TCF7L2: variants seen among roughly 807,000 people sequenced by gnomAD.
TCF7L2 encodes transcription factor 7 like 2.
TCF7L2 carries 23 observed loss-of-function variants against 77.9 expected under a neutral mutation model. The observed-to-expected ratio is 0.30, with a 90% CI of 0.21 to 0.42. The LOEUF (loss-of-function observed/expected upper bound fraction) is 0.42. TCF7L2 is among the 10% of genes least tolerant of loss of function. TCF7L2 has a pLI of 1.00. For missense variants in TCF7L2, 654 were observed against 793.1 expected (o/e 0.82, Z 2.11); for synonymous variants, 413 against 340.2 (o/e 1.21, Z -2.36).
chr10:113,112,009 G>A (rs762571329), intron 5 of TCF7L2, among the ~76,000 whole-genome samples: 20 of 152,182 alleles, frequency 1.3e-4, no homozygotes, highest in Non-Finnish European at 2.6e-4. Flanking sequence ...CGTCCAGACT[G>A]TACTAAGATG....
At chr10:113,124,961 G>A (rs1452771044) in intron 5 of TCF7L2, among the ~76,000 whole-genome samples, 1 of 152,054 alleles carries the variant, frequency 6.6e-6, no homozygotes, top group Non-Finnish European at 1.5e-5. Flanking sequence ...GTTGTTTCCT[G>A]TGTGTTTATG....
At chr10:113,070,326 A>G (rs906986176) in intron 5 of TCF7L2, among the ~76,000 whole-genome samples, 3 of 150,072 alleles carry the variant, frequency 2.0e-5, no homozygotes, top group Non-Finnish European at 3.0e-5. Flanking sequence ...AACGAGTGGT[A>G]TAAGGTTCTT....
At chr10:113,093,132 A>G (rs1179240993) in intron 5 of TCF7L2, among the ~76,000 whole-genome samples, 1 of 152,224 alleles carries the variant, frequency 6.6e-6, no homozygotes, top group Non-Finnish European at 1.5e-5. Flanking sequence ...ATCCCTTGAC[A>G]TTTAACACAG....
At chr10:113,024,561 C>T (rs377379791) in intron 4 of TCF7L2, among the ~76,000 whole-genome samples, 13 of 151,246 alleles carry the variant, frequency 8.6e-5, no homozygotes, top group African/African-American at 2.9e-4. Flanking sequence ...AATGAGATAT[C>T]CTGGGGATGG....
intron 5 of TCF7L2, among the ~76,000 whole-genome samples, chr10:113,057,676 C>T (rs770214001): frequency 3.9e-5 from 6 of 152,284 alleles, no homozygotes; most frequent in Admixed American, 2.0e-4. Context: ...AGATACATTA[C>T]GTTAATCCTT....
intron 5 of TCF7L2, among the ~76,000 whole-genome samples, chr10:113,088,275 C>G (rs1370082846): frequency 6.6e-6 from 1 of 152,070 alleles, no homozygotes; most frequent in Non-Finnish European, 1.5e-5. Context: ...GCCAATGGGT[C>G]TCTACAGCAG....
intron 5 of TCF7L2, among the ~76,000 whole-genome samples, chr10:113,066,774 T>C (rs565591027): frequency 1.4e-4 from 21 of 152,378 alleles, no homozygotes; most frequent in African/African-American, 4.6e-4. Flanking sequence ...ATTCTGCATA[T>C]CTGTTTCCAT....
intron 5 of TCF7L2, among the ~76,000 whole-genome samples, chr10:113,133,912 T>A (rs970929425): frequency 5.9e-5 from 9 of 152,206 alleles, no homozygotes; most frequent in African/African-American, 2.2e-4. Flanking sequence ...GGGTAGGTTC[T>A]GCAGCAGCCC....
rs113102683 is a variant in TCF7L2, at chr10:112,950,403, TCC to T, written c.-346_-345del. The T allele has an allele frequency of 6.7e-5, 13 of 195,388 alleles. No homozygotes were observed. Among genetic ancestry groups the T allele is most frequent in the Non-Finnish European group, 1.0e-4 (10 of 97,200 alleles). 12.1% of individuals were successfully genotyped at this position (195,388 alleles called of 1,614,324 possible). ...ACGAGCACCTCCTGTATCTTCGGCT[TCC>T]CCCCCCCTTTGCTCTTTATATCTGA... On this transcript the variant is annotated 5_prime_UTR_variant, in exon 1 of 14. Transcript: ENST00000627217.
intron 8 of TCF7L2, among the ~76,000 whole-genome samples, chr10:113,147,231 A>G (rs1429171765): frequency 6.6e-6 from 1 of 152,226 alleles, no homozygotes; most frequent in East Asian, 1.9e-4. Flanking sequence ...CATGCGTTAC[A>G]TGGCAGGGGT....
intron 4 of TCF7L2, among the ~76,000 whole-genome samples, chr10:113,034,119 C>T (rs1344400352): frequency 6.6e-6 from 1 of 152,204 alleles, no homozygotes; most frequent in Admixed American, 6.5e-5. Context: ...TAGAAAGAGA[C>T]AATCAGGCCT....
chr10:113,068,902 T>C (rs2057596903), intron 5 of TCF7L2, among the ~76,000 whole-genome samples: 1 of 151,442 alleles, frequency 6.6e-6, no homozygotes, highest in Non-Finnish European at 1.5e-5. Context: ...CCCAATTCTT[T>C]TTTTTTTTTT....
intron 4 of TCF7L2, among the ~76,000 whole-genome samples, chr10:112,976,067 A>C (rs1031043414): frequency 6.6e-6 from 1 of 152,176 alleles, no homozygotes; most frequent in Non-Finnish European, 1.5e-5. Flanking sequence ...TCTGGGTTTG[A>C]GTGTCGGCTC....
At chr10:113,115,759 G>A (rs1426615366) in intron 5 of TCF7L2, among the ~76,000 whole-genome samples, 1 of 152,118 alleles carries the variant, frequency 6.6e-6, no homozygotes, top group Non-Finnish European at 1.5e-5. Flanking sequence ...TTCAAGGACA[G>A]CGCGCGGTTT....
rs530322555 is a variant in TCF7L2 at position 113,145,076 on chromosome 10, T to C, written c.789-935T>C. On this transcript the variant is annotated intron_variant, in intron 7 of 13. Coordinates refer to ENST00000627217, the MANE Select transcript of TCF7L2 (RefSeq NM_001146274.2). ...AATTTTGGAGTGGCTTACCCCACAA[T>C]TCTACCCGTATTTCTCTAGTTAGAT... is the stretch of plus-strand genomic sequence containing the variant. 2.0e-5 allele frequency among the ~76,000 whole-genome samples: 3 copies of C among 151,934 alleles called. No individual in the cohort carries two copies. The South Asian group carries it at 6.3e-4, about 32-fold the overall frequency.
At chr10:113,126,628 C>T in intron 5 of TCF7L2, 1 of 985,172 alleles carries the variant, frequency 1.0e-6, no homozygotes, top group Non-Finnish European at 1.2e-6. Context: ...GGGGAGATCC[C>T]AGTTATTGTG....
chr10:113,149,596 A>C (rs1204804509), intron 8 of TCF7L2, among the ~76,000 whole-genome samples: 7 of 152,214 alleles, frequency 4.6e-5, no homozygotes, highest in Admixed American at 1.3e-4. Context: ...AATGGAAACT[A>C]TCTCTAGCCC....
intron 5 of TCF7L2, among the ~76,000 whole-genome samples, chr10:113,133,736 G>C (rs1349433719): frequency 1.3e-5 from 2 of 152,318 alleles, no homozygotes; most frequent in African/African-American, 2.4e-5. Context: ...CAGACGGCAG[G>C]GAGAATCATC....
At chr10:113,164,396 C>G (rs1328668965) in intron 13 of TCF7L2, among the ~76,000 whole-genome samples, 1 of 152,096 alleles carries the variant, frequency 6.6e-6, no homozygotes, top group Non-Finnish European at 1.5e-5. Flanking sequence ...TCACGATAAC[C>G]CAAACCCAGG....
Sources: gnomAD v4.1 joint callset for allele counts (sites outside exome capture counted in the v4.1 genomes callset) on GRCh38, gnomAD v4.1.1 for gene constraint, MANE v1.5 for transcripts, NCBI Gene and HGNC (gene_info 2026-07-23, HGNC 2026-07-21) for gene names.